The following TCP11L2 variants were observed in gnomAD, a reference collection of about 807,000 sequenced individuals.
TCP11L2 encodes T-complex protein 11-like protein 2.
In TCP11L2, 39 loss-of-function variants were observed where a neutral mutation model predicts 50.7. The ratio of observed to expected loss-of-function variants is 0.77; its 90% CI spans 0.60 to 1.01. The LOEUF is 1.01. Among genes scored for constraint, TCP11L2 ranks in the 50% least tolerant of loss-of-function variants. The probability of loss-of-function intolerance (pLI) is 0.00; values close to 1 mark genes in which losing one functional copy is unlikely to be tolerated. For synonymous variants in TCP11L2, 192 were observed against 219.3 expected, an observed-to-expected ratio of 0.88 and a Z score of 1.10; for missense variants, 612 against 614.7, an observed-to-expected ratio of 1.00 and a Z score of 0.05.
At chr12:106,335,572 C>G in intron 6 of TCP11L2, 67 bp from the exon 7 acceptor site, 1 of 1,516,956 alleles carries the variant, frequency 6.6e-7, no homozygotes, top group Non-Finnish European at 9.0e-7. Flanking sequence ...CAGCATCTGT[C>G]AAGTGGAATA....
In TCP11L2 at chr12:106,323,553, A is replaced by G; in HGVS notation, c.679A>G (p.Asn227Asp). The G allele has an allele frequency of 6.2e-7, 1 of 1,608,912 alleles. No homozygotes were observed. ...VLDLMQMDMA[N>D]FTIMSLRPHL... Reference sequence around the variant, plus strand: ...GGACCTCATGCAAATGGACATGGCCAATTTTACAATTATGAGTCTCAGACC... The same window carrying G: ...GGACCTCATGCAAATGGACATGGCCGATTTTACAATTATGAGTCTCAGACC... Residue 227 changes from asparagine to aspartate, a missense_variant, in exon 6 of 10, where the codon AAT (asparagine) becomes GAT (aspartate). Asn to Asp is a conservative substitution (Grantham distance 23). Transcript: ENST00000299045.
At chr12:106,312,257 A>ATTTTTTTTT (rs55891003) in intron 2 of TCP11L2, 5 of 291,618 alleles carry the variant, frequency 1.7e-5, no homozygotes, top group South Asian at 5.2e-5. Context: ...TTTAGTTTCC[A>ATTTTTTTTT]TTTTTTTTTT....
At chr12:106,299,691 A>AGATCTTGTCCCTT (rs922105702), upstream of TCP11L2, among the ~76,000 whole-genome samples, 1 of 152,290 alleles carries the variant, frequency 6.6e-6, no homozygotes, top group Admixed American at 6.5e-5. Flanking sequence ...ACTCCCATAG[A>AGATCTTGTCCCTT]GAGAAATAGG....
At chr12:106,329,441 G>C in intron 6 of TCP11L2, 1 of 1,534,548 alleles carries the variant, frequency 6.5e-7, no homozygotes, top group South Asian at 1.2e-5. Context: ...CCTAAGAGAA[G>C]AGCCAACGTT....
chr12:106,300,521 G>A (rs1346444032), upstream of TCP11L2, among the ~76,000 whole-genome samples: 9 of 151,986 alleles, frequency 5.9e-5, no homozygotes, highest in African/African-American at 2.2e-4. Context: ...TAGTAGAGAC[G>A]GGGTTTCACC....
rs114002297 is a variant in TCP11L2, at chr12:106,322,404, G to A, written c.635+698G>A. On this transcript the variant is annotated intron_variant, in intron 5 of 9. Transcript: ENST00000299045. The stretch of plus-strand genomic sequence containing the variant: ...TCACATGATCCCACCTAGATTGAAA[G>A]GGGAGTTGAGAAAGGTAGTTACAGC... 9.4e-3 allele frequency among the ~76,000 whole-genome samples: 1,430 copies of A among 152,304 alleles called. 21 individuals carry two copies. The highest frequency in any genetic ancestry group is 0.031 in the African/African-American group (1,308 of 41,560).
intron 6 of TCP11L2, among the ~76,000 whole-genome samples, chr12:106,331,113 A>G (rs1442887634): frequency 6.6e-6 from 1 of 152,118 alleles, no homozygotes; most frequent in Non-Finnish European, 1.5e-5. Flanking sequence ...AAGTTCAGTG[A>G]TTTCTTCCTT....
chr12:106,320,014 T>C (rs1485719514), intron 4 of TCP11L2, among the ~76,000 whole-genome samples: 2 of 152,262 alleles, frequency 1.3e-5, no homozygotes, highest in East Asian at 1.9e-4. Flanking sequence ...CTTTCTTCCC[T>C]GAACTTTTAC....
In TCP11L2 at chr12:106,318,458, C is replaced by G. The variant is rs141194065; in HGVS notation, c.408C>G (p.Ile136Met). 4 of 1,613,616 alleles carry G rather than the reference C, an allele frequency of 2.5e-6. No individual in the cohort carries two copies. Among genetic ancestry groups the G allele is most frequent in the Non-Finnish European group, 2.5e-6 (3 of 1,179,680 alleles). Residue 136 changes from isoleucine to methionine, a missense_variant, in exon 4 of 10, where the codon ATC (isoleucine) becomes ATG (methionine). Physicochemically the swap from Ile to Met is conservative, Grantham distance 10 (BLOSUM62 1). Transcript: ENST00000299045. Reference sequence around the variant, plus strand: ...ATGCCATCAAACTGTTTGAAGAAATCAGAGAGGCAAGTTGCTTTGTTGTCT... The same window carrying G: ...ATGCCATCAAACTGTTTGAAGAAATGAGAGAGGCAAGTTGCTTTGTTGTCT... ...FEHAIKLFEE[I>M]REILLSFLTP...
intron 4 of TCP11L2, among the ~76,000 whole-genome samples, chr12:106,318,896 ATTTTTTT>A (rs1181792658): frequency 0.016 from 1,408 of 85,498 alleles, 23 homozygotes; most frequent in African/African-American, 0.047. Context: ...ATTTTATTTT[ATTTTTTT>A]TTTTTTTTTT....
At chr12:106,333,671 CAAAAT>C (rs968813984) in intron 6 of TCP11L2, among the ~76,000 whole-genome samples, 8 of 152,044 alleles carry the variant, frequency 5.3e-5, no homozygotes, top group African/African-American at 1.9e-4. Flanking sequence ...GTGAAAAAAA[CAAAAT>C]AATTATAAAA....
intron 8 of TCP11L2, 66 bp from the exon 9 acceptor site, chr12:106,340,760 A>G (rs1271912015): frequency 4.1e-5 from 55 of 1,357,832 alleles, no homozygotes; most frequent in Non-Finnish European, 5.2e-5. Flanking sequence ...ACAAGTCTGT[A>G]TATTAAAAAT....
At chr12:106,314,539 G>A (rs747239436) in intron 3 of TCP11L2, 46 bp downstream of exon 3, 6 of 461,688 alleles carry the variant, frequency 1.3e-5, no homozygotes, top group Non-Finnish European at 2.2e-5. Flanking sequence ...AAGATTCTGT[G>A]TGTGTGTGTG....
At chr12:106,337,977 A>C (rs1422439550) in intron 8 of TCP11L2, among the ~76,000 whole-genome samples, 1 of 152,200 alleles carries the variant, frequency 6.6e-6, no homozygotes, top group African/African-American at 2.4e-5. Context: ...AATAGCATTC[A>C]TAGTATTAAA....
intron 9 of TCP11L2, among the ~76,000 whole-genome samples, chr12:106,345,184 A>G (rs943353233): frequency 2.6e-5 from 4 of 152,056 alleles, no homozygotes; most frequent in Non-Finnish European, 4.4e-5. Flanking sequence ...TTTTGTAGAG[A>G]TGAAGTTTCA....
At chr12:106,306,903 CAT>C (rs1294557386) in intron 1 of TCP11L2, among the ~76,000 whole-genome samples, 1 of 152,196 alleles carries the variant, frequency 6.6e-6, no homozygotes, top group Admixed American at 6.5e-5. Flanking sequence ...GCTTCAGTGA[CAT>C]GTATTATCAT....
At position 106,336,148 on chromosome 12, in the gene TCP11L2, C is replaced by T. The variant is rs1453633966; in HGVS notation, c.1077C>T (p.Gly359=). 6.2e-7 allele frequency: 1 copy of T among 1,613,696 alleles called. No individual in the cohort carries two copies. Among genetic ancestry groups the T allele is most frequent in the African/African-American group, 1.3e-5 (1 of 75,000 alleles). Residue 359 remains glycine, a synonymous_variant, in exon 8 of 10, where the codon GGC becomes GGT. Coordinates refer to ENST00000299045, the MANE Select transcript of TCP11L2 (RefSeq NM_152772.3). ...TNNMVGAITG[G]LPELASRLTR... ...ACATGGTGGGTGCTATTACAGGAGG[C>T]CTGCCTGAGCTTGCAAGCAGGTTAA...
At chr12:106,329,344 G>T in intron 6 of TCP11L2, 1 of 1,536,118 alleles carries the variant, frequency 6.5e-7, no homozygotes, top group Non-Finnish European at 8.7e-7. Context: ...AGCCGAGGTT[G>T]CAGGTGCCTC....
At chr12:106,301,569 G>A (rs989764125), upstream of TCP11L2, among the ~76,000 whole-genome samples, 6 of 152,180 alleles carry the variant, frequency 3.9e-5, no homozygotes, top group African/African-American at 1.4e-4. Flanking sequence ...CCTGTTGTTT[G>A]TTGTTGTTGT....
Sources: allele counts gnomAD v4.1 joint callset (sites outside exome capture counted in the v4.1 genomes callset), GRCh38; gene constraint gnomAD v4.1.1; transcripts MANE v1.5; gene names NCBI Gene and HGNC (gene_info 2026-07-23, HGNC 2026-07-21).